The following AGMO variants were observed in gnomAD, a reference collection of about 807,000 sequenced individuals.
AGMO encodes glyceryl-ether monooxygenase.
In AGMO, 75 loss-of-function variants were observed where a neutral mutation model predicts 60.2. The observed-to-expected ratio is 1.25, with a 90% CI of 1.03 to 1.51. The LOEUF (loss-of-function observed/expected upper bound fraction) is 1.51, where lower values mean the gene tolerates loss of function less well. Among genes scored for constraint, AGMO ranks in the 40% most tolerant of loss-of-function variants. The pLI is 0.00. For synonymous variants in AGMO, 261 were observed against 177.1 expected, an observed-to-expected ratio of 1.47 and a Z score of -3.76; for missense variants, 763 against 525.5, an observed-to-expected ratio of 1.45 and a Z score of -4.42.
chr7:15,190,446 C>T, the AGMO span, among the ~76,000 whole-genome samples: 45,095 of 151,330 alleles, frequency 0.3, 7,429 homozygotes, highest in Middle Eastern at 0.42. Flanking sequence ...TTGATTTCTC[C>T]ATAGTGGAAA....
chr7:15,246,417 T>C (rs1782743996), intron 12 of AGMO, among the ~76,000 whole-genome samples: 1 of 152,186 alleles, frequency 6.6e-6, no homozygotes, highest in Non-Finnish European at 1.5e-5. Flanking sequence ...TATTCTCTGA[T>C]AAGGTAGATT....
intron 12 of AGMO, among the ~76,000 whole-genome samples, chr7:15,261,728 T>C (rs891517736): frequency 1.3e-5 from 2 of 151,980 alleles, no homozygotes; most frequent in South Asian, 4.1e-4. Context: ...ATAACCCTGA[T>C]GAACATAGAC....
chr7:15,392,859 C>T (rs1784207841), intron 6 of AGMO, among the ~76,000 whole-genome samples: 1 of 152,122 alleles, frequency 6.6e-6, no homozygotes, highest in African/African-American at 2.4e-5. Flanking sequence ...ATCTACTGAA[C>T]ATCATAGCTT....
At chr7:15,418,020 T>C (rs1780821873) in intron 5 of AGMO, among the ~76,000 whole-genome samples, 1 of 152,102 alleles carries the variant, frequency 6.6e-6, no homozygotes, top group African/African-American at 2.4e-5. Context: ...CACGGAAGAC[T>C]CTAAAATTAC....
At chr7:15,559,067 T>G (rs1785231786) in intron 2 of AGMO, among the ~76,000 whole-genome samples, 1 of 152,148 alleles carries the variant, frequency 6.6e-6, no homozygotes, top group Admixed American at 6.6e-5. Flanking sequence ...CATTTATTGG[T>G]CTTTCCTCTT....
intron 12 of AGMO, among the ~76,000 whole-genome samples, chr7:15,266,696 A>G (rs187287064): frequency 6.6e-6 from 1 of 151,846 alleles, no homozygotes; most frequent in East Asian, 1.9e-4. Flanking sequence ...GTTTTCATTA[A>G]ATTATTCTCC....
chr7:15,218,314 C>G (rs1781806711), intron 12 of AGMO, among the ~76,000 whole-genome samples: 1 of 133,280 alleles, frequency 7.5e-6, no homozygotes, highest in South Asian at 2.4e-4. Context: ...ACTATATTGA[C>G]TATGGTGTGT....
intron 12 of AGMO, among the ~76,000 whole-genome samples, chr7:15,355,593 A>G (rs1782499649): frequency 6.6e-6 from 1 of 151,748 alleles, no homozygotes; most frequent in South Asian, 2.1e-4. Context: ...TATAGCCTGT[A>G]TTCATAACCC....
At chr7:15,233,269 G>A (rs745657072) in intron 12 of AGMO, among the ~76,000 whole-genome samples, 3 of 152,230 alleles carry the variant, frequency 2.0e-5, no homozygotes, top group Admixed American at 1.3e-4. Flanking sequence ...GTAAGGTATC[G>A]TGAATCCATC....
At chr7:15,437,523 ATTTTTTCCTTTTTT>A (rs1291381065) in intron 3 of AGMO, among the ~76,000 whole-genome samples, 2 of 137,644 alleles carry the variant, frequency 1.5e-5, no homozygotes, top group Non-Finnish European at 3.1e-5. Context: ...GAGCAACCAA[ATTTTTTCCTTTTTT>A]TTTTTTTTTT....
At chr7:15,448,125 T>C (rs113417409) in intron 3 of AGMO, among the ~76,000 whole-genome samples, 61 of 152,266 alleles carry the variant, frequency 4.0e-4, no homozygotes, top group African/African-American at 1.4e-3. Flanking sequence ...CTTTGAACCA[T>C]CCAATGAAAT....
the AGMO span, among the ~76,000 whole-genome samples, chr7:15,177,493 A>G: frequency 6.6e-6 from 1 of 152,064 alleles, no homozygotes; most frequent in Non-Finnish European, 1.5e-5. Flanking sequence ...TTTTTTAAAA[A>G]CACTTTTTCT....
chr7:15,301,930 T>TA (rs1490922433), intron 12 of AGMO, among the ~76,000 whole-genome samples: 1 of 152,144 alleles, frequency 6.6e-6, no homozygotes, highest in Non-Finnish European at 1.5e-5. Context: ...TGCCTGAAGT[T>TA]ACTTCTGGTG....
At chr7:15,279,264 A>C (rs1048748684) in intron 12 of AGMO, among the ~76,000 whole-genome samples, 1 of 152,044 alleles carries the variant, frequency 6.6e-6, no homozygotes, top group African/African-American at 2.4e-5. Context: ...TCAGCTGTGC[A>C]CTGGTCCCAG....
chr7:15,181,902 A>G, the AGMO span, among the ~76,000 whole-genome samples: 1 of 152,148 alleles, frequency 6.6e-6, no homozygotes, highest in Non-Finnish European at 1.5e-5. Flanking sequence ...TATGAAACAT[A>G]TATTGTGCAC....
chr7:15,545,464 T>C (rs1784753217), intron 2 of AGMO, among the ~76,000 whole-genome samples: 1 of 151,886 alleles, frequency 6.6e-6, no homozygotes, highest in African/African-American at 2.4e-5. Context: ...TCTTCCTCCT[T>C]CCTTTTTATT....
At chr7:15,291,130 A>G (rs770940644) in intron 12 of AGMO, among the ~76,000 whole-genome samples, 1 of 152,152 alleles carries the variant, frequency 6.6e-6, no homozygotes, top group Non-Finnish European at 1.5e-5. Flanking sequence ...AATTTCCCTT[A>G]AGGTCCTTAG....
chr7:15,326,180 G>T (rs540237859), intron 12 of AGMO, among the ~76,000 whole-genome samples: 14 of 152,110 alleles, frequency 9.2e-5, no homozygotes, highest in Middle Eastern at 3.4e-3. Flanking sequence ...TGAATTAAAG[G>T]GGGGGTTAAG....
In AGMO at chr7:15,365,593, A is replaced by G. The variant is rs776042764; in HGVS notation, c.1184T>C (p.Leu395Pro). Residue 395 changes from leucine to proline, a missense_variant, in exon 12 of 13, where the codon CTC (leucine) becomes CCC (proline). Physicochemically the swap from Leu to Pro is moderately conservative, Grantham distance 98 (BLOSUM62 -3). Coordinates refer to ENST00000342526, the MANE Select transcript of AGMO (RefSeq NM_001004320.2). Reference sequence around the variant, plus strand: ...CAGCATTAAGAACATCAAGCAACGGAGAGTTTCCATAATAGCTGCCTTGGG... The same window carrying G: ...CAGCATTAAGAACATCAAGCAACGGGGAGTTTCCATAATAGCTGCCTTGGG... The part of the protein sequence containing the change: ...QRPKAAIMET[L>P]RCLMFLMLYR... The G allele has an allele frequency of 3.0e-5, 49 of 1,612,616 alleles. No homozygotes were observed. The highest frequency in any genetic ancestry group is 3.4e-5 in the Non-Finnish European group (40 of 1,179,028).
Sources: allele counts gnomAD v4.1 joint callset (sites outside exome capture counted in the v4.1 genomes callset), GRCh38; gene constraint gnomAD v4.1.1; transcripts MANE v1.5; gene names NCBI Gene and HGNC (gene_info 2026-07-23, HGNC 2026-07-21).